The following PLOD1 variants were observed in gnomAD, a reference collection of about 807,000 sequenced individuals.
PLOD1 encodes lysine hydroxylase.
A neutral mutation model predicts 94.7 loss-of-function variants in PLOD1; 70 were observed. The ratio of observed to expected loss-of-function variants is 0.74; its 90% CI spans 0.61 to 0.90. The LOEUF (loss-of-function observed/expected upper bound fraction) is 0.90. Ranked by LOEUF, PLOD1 falls within the 40% of genes least tolerant of loss-of-function variation. The pLI is 0.00. For missense variants in PLOD1, 905 were observed against 972.7 expected, an observed-to-expected ratio of 0.93 and a Z score of 0.93; for synonymous variants, 417 against 400.2, an observed-to-expected ratio of 1.04 and a Z score of -0.50.
Position 11,974,687 on chromosome 1 carries a change from C to A in PLOD1, c.2063C>A (p.Ser688Tyr), listed in dbSNP as rs1645891247. The A allele has an allele frequency of 6.2e-7, 1 of 1,613,830 alleles. No individual in the cohort carries two copies. Among genetic ancestry groups the A allele is most frequent in the Non-Finnish European group, 8.5e-7 (1 of 1,179,890 alleles). The part of the protein sequence containing the change: ...GGCRFLRYNC[S>Y]IRAPRKGWTL... ...TGTCGGTTCCTGCGCTACAACTGTT[C>A]CATCCGAGCCCCAAGGAAGGGCTGG... The change falls in exon 19 of 19, where the codon TCC (serine) becomes TAC (tyrosine). Residue 688 changes from serine (S) to tyrosine (Y), a missense_variant. By Grantham distance (144) the Ser-to-Tyr change is moderately radical. Transcript: ENST00000196061.
chr1:11,969,223 C>G (rs913678191), intron 16 of PLOD1, among the ~76,000 whole-genome samples: 1 of 151,174 alleles, frequency 6.6e-6, no homozygotes. Flanking sequence ...TCCTGACCTC[C>G]GGTGATCCAC....
chr1:11,962,263 ATTTTTGTTTTCT>A (rs1645783081), intron 10 of PLOD1, among the ~76,000 whole-genome samples: 1 of 103,126 alleles, frequency 9.7e-6, no homozygotes, highest in African/African-American at 3.7e-5. Context: ...TCTTCTTTTG[ATTTTTGTTTTCT>A]TTTTTTTTTT....
intron 1 of PLOD1, among the ~76,000 whole-genome samples, chr1:11,941,750 C>T (rs1005451376): frequency 3.0e-4 from 45 of 152,258 alleles, no homozygotes; most frequent in African/African-American, 1.1e-3. Context: ...TCTCAAAGTG[C>T]TAGGATAACA....
rs200962113 is a variant in PLOD1 at position 11,965,610 on chromosome 1, C to T, written c.1584+17C>T. Reference sequence around the variant, plus strand: ...AACCCCGAGGTGAGGCCAGGGTGGGCACATAGGGGCTGGGAGCAAAGGGGC... The same window carrying T: ...AACCCCGAGGTGAGGCCAGGGTGGGTACATAGGGGCTGGGAGCAAAGGGGC... On this transcript the variant is annotated intron_variant, in intron 14 of 18. Transcript: ENST00000196061. 126 of 1,481,820 alleles carry T rather than the reference C, an allele frequency of 8.5e-5. No individual in the cohort carries two copies. In the African/African-American group the frequency reaches 1.6e-3, roughly 18 times the overall value. 91.8% of individuals were successfully genotyped at this position (1,481,820 alleles called of 1,614,324 possible).
intron 6 of PLOD1, among the ~76,000 whole-genome samples, chr1:11,955,671 T>A (rs962143737): frequency 2.6e-5 from 4 of 152,118 alleles, no homozygotes; most frequent in Non-Finnish European, 5.9e-5. Flanking sequence ...TCGCCCAGGC[T>A]GGAATGCAGT....
At chr1:11,974,252 T>A (rs1645886479) in intron 18 of PLOD1, among the ~76,000 whole-genome samples, 1 of 151,866 alleles carries the variant, frequency 6.6e-6, no homozygotes, top group Non-Finnish European at 1.5e-5. Flanking sequence ...TGGAGTACAG[T>A]GGCGCGATCT....
chr1:11,961,172 C>T (rs1184228680), intron 10 of PLOD1, among the ~76,000 whole-genome samples: 1 of 151,802 alleles, frequency 6.6e-6, no homozygotes, highest in East Asian at 1.9e-4. Flanking sequence ...TTGCTTGAGG[C>T]CAGGAGTTCA....
Position 11,963,767 on chromosome 1 carries a change from C to G in PLOD1, c.1202+131C>G. 1.4e-6 allele frequency: 1 copy of G among 703,838 alleles called. No homozygotes were observed. The highest frequency in any genetic ancestry group is 2.6e-6 in the Non-Finnish European group (1 of 384,644). The allele number at this position is 703,838 out of a possible 1,614,324, so 43.6% of individuals were successfully genotyped here. A position where few individuals can be genotyped will look rare whatever the true frequency, so the allele number is the denominator to read the frequency against. ...TCCTCTTTTTCCTTCTCCTGCTCCT[C>G]TTTCTCCTCCTCGTCTTCCTCCTTG... On this transcript the variant is annotated intron_variant, in intron 11 of 18. Coordinates refer to ENST00000196061, the MANE Select transcript of PLOD1 (RefSeq NM_000302.4). This position sits in a 1 kb window ranked among gnomAD's most constrained non-coding sequence, Gnocchi z 4.3.
chr1:11,961,342 C>T (rs562629893), intron 10 of PLOD1, among the ~76,000 whole-genome samples: 8 of 152,290 alleles, frequency 5.3e-5, no homozygotes, highest in African/African-American at 1.2e-4. Flanking sequence ...TATGATTGCA[C>T]CACTGTGTTC....
intron 5 of PLOD1, chr1:11,954,441 G>A (rs1297066411): frequency 1.1e-5 from 5 of 462,460 alleles, no homozygotes; most frequent in Admixed American, 2.4e-5. Context: ...AGTCGAGGTC[G>A]TGCCATTGCA....
At chr1:11,956,860 C>A in intron 6 of PLOD1, 57 bp from the exon 7 acceptor site, 1 of 1,194,586 alleles carries the variant, frequency 8.4e-7, no homozygotes, top group Non-Finnish European at 1.3e-6. Context: ...GCTGGTTGGA[C>A]CCTGAGCCTG....
chr1:11,948,019 A>C lies in PLOD1; in HGVS notation c.120A>C (p.Gly40=). Residue 40 remains glycine (G), a synonymous_variant, in exon 2 of 19, where the codon GGA becomes GGC. Coordinates refer to ENST00000196061, the MANE Select transcript of PLOD1 (RefSeq NM_000302.4). ...VLTVATKETE[G]FRRFKRSAQF... ...CGGTGGCCACTAAGGAGACCGAGGG[A>C]TTCCGTCGCTTCAAGCGCTCAGCTC... The C allele has an allele frequency of 6.2e-7, 1 of 1,613,980 alleles. No homozygotes were observed. Among genetic ancestry groups the C allele is most frequent in the Non-Finnish European group, 8.5e-7 (1 of 1,179,870 alleles).
At chr1:11,940,575 A>G (rs6674558) in intron 1 of PLOD1, among the ~76,000 whole-genome samples, 39,463 of 152,118 alleles carry the variant, frequency 0.26, 7,465 homozygotes, top group African/African-American at 0.54. Flanking sequence ...GAGAGGCTAA[A>G]TTCCCTGCCC....
intron 1 of PLOD1, among the ~76,000 whole-genome samples, chr1:11,941,192 G>A (rs1569667635): frequency 1.3e-5 from 2 of 152,140 alleles, no homozygotes; most frequent in African/African-American, 4.8e-5. Context: ...GTATCTCACC[G>A]GGTTCAGTGG....
At position 11,934,827 on chromosome 1, in the gene PLOD1, C is replaced by T. The variant is rs1489027966; in HGVS notation, c.48C>T (p.Ala16=). 6 of 1,540,322 alleles carry T rather than the reference C, an allele frequency of 3.9e-6. No individual in the cohort carries two copies. Among genetic ancestry groups the T allele is most frequent in the Non-Finnish European group, 5.2e-6 (6 of 1,145,840 alleles). The change falls in exon 1 of 19, where the codon GCC becomes GCT. Residue 16 remains alanine, a synonymous_variant. Transcript: ENST00000196061. ...CCCTGCTGGGCTGGCTGCTGCTGGC[C>T]GAAGCGAAGGGCGACGCCAAGCCGG... The part of the protein sequence containing the change: ...LLALLGWLLL[A]EAKGDAKPED...
At chr1:11,940,527 T>A (rs918805684) in intron 1 of PLOD1, among the ~76,000 whole-genome samples, 4 of 152,242 alleles carry the variant, frequency 2.6e-5, no homozygotes, top group African/African-American at 9.6e-5. Context: ...CTATCATCTG[T>A]ATTATTCCCA....
At chr1:11,948,217 C>T (rs575850189) in intron 2 of PLOD1, 150 bp downstream of exon 2, 9 of 693,090 alleles carry the variant, frequency 1.3e-5, no homozygotes, top group African/African-American at 8.8e-5. Flanking sequence ...ATGAGTTAGT[C>T]GGGAATGGGA....
chr1:11,965,203 C>A (rs1645807224), intron 13 of PLOD1, among the ~76,000 whole-genome samples: 3 of 151,280 alleles, frequency 2.0e-5, no homozygotes, highest in South Asian at 4.2e-4. Flanking sequence ...CTGTGACCAA[C>A]ATTTCAGGAC....
chr1:11,975,026 C>G lies in PLOD1; in HGVS notation c.*218C>G. 1.6e-6 allele frequency: 1 copy of G among 623,012 alleles called. No homozygotes were observed. Among genetic ancestry groups the G allele is most frequent in the Admixed American group, 2.7e-5 (1 of 37,506 alleles). The allele number at this position is 623,012 out of a possible 1,614,324, so 38.6% of individuals were successfully genotyped here. On this transcript the variant is annotated 3_prime_UTR_variant, in exon 19 of 19. Transcript: ENST00000196061. The stretch of plus-strand genomic sequence containing the variant: ...GGGGCTCTCCGTGGTGTTCTGGACC[C>G]AGCCCCTGGAGACACCATTCACTTT...
Sources: allele counts gnomAD v4.1 joint callset (sites outside exome capture counted in the v4.1 genomes callset), GRCh38; gene constraint gnomAD v4.1.1; non-coding constraint Gnocchi (gnomAD v3.1); transcripts MANE v1.5; gene names NCBI Gene and HGNC (gene_info 2026-07-23, HGNC 2026-07-21).